RGS9: variants seen among roughly 807,000 people sequenced by gnomAD.
RGS9 encodes regulator of G protein signaling 9.
A neutral mutation model predicts 102.0 loss-of-function variants in RGS9; 78 were observed. The observed-to-expected ratio is 0.76, with a 90% CI of 0.64 to 0.92. The LOEUF is 0.92. Ranked by LOEUF, RGS9 falls within the 40% of genes least tolerant of loss-of-function variation. The pLI, the probability that RGS9 is intolerant of heterozygous loss-of-function variation, is 0.00. For missense variants in RGS9, 833 were observed against 866.1 expected (o/e 0.96, Z 0.48); for synonymous variants, 353 against 318.6 (o/e 1.11, Z -1.15).
chr17:65,191,459 C>G (rs1002069159), intron 11 of RGS9, among the ~76,000 whole-genome samples: 4 of 151,942 alleles, frequency 2.6e-5, no homozygotes, highest in Non-Finnish European at 4.4e-5. Flanking sequence ...CCTGTAATCC[C>G]AGTACTTTGG....
chr17:65,171,818 A>C (rs1199338545), intron 8 of RGS9, among the ~76,000 whole-genome samples: 1 of 152,266 alleles, frequency 6.6e-6, no homozygotes, highest in Non-Finnish European at 1.5e-5. Flanking sequence ...AGATCTGAGC[A>C]CGATGCAAAC....
rs116298675 is a variant in RGS9 at position 65,144,240 on chromosome 17, G to A, written c.57+6643G>A. 2.0e-3 allele frequency among the ~76,000 whole-genome samples: 302 copies of A among 152,266 alleles called. 1 individual carries two copies. The highest frequency in any genetic ancestry group is 6.8e-3 in the African/African-American group (284 of 41,542). ...ACTTTTCCCATCTTTGTATAGAAAA[G>A]TACCGATTATTATTGTTCCCCCGGG... On this transcript the variant is annotated intron_variant, in intron 1 of 18. Coordinates refer to ENST00000262406, the MANE Select transcript of RGS9 (RefSeq NM_003835.4).
At chr17:65,200,399 T>C (rs992506766) in intron 13 of RGS9, among the ~76,000 whole-genome samples, 1 of 152,248 alleles carries the variant, frequency 6.6e-6, no homozygotes. Flanking sequence ...GTTCATCCAT[T>C]CTTTTATCGA....
At chr17:65,148,268 A>G (rs1052617426) in intron 1 of RGS9, among the ~76,000 whole-genome samples, 3 of 152,232 alleles carry the variant, frequency 2.0e-5, no homozygotes, top group Non-Finnish European at 4.4e-5. Flanking sequence ...TCGAAAGCCA[A>G]ACAATGTTCT....
intron 17 of RGS9, among the ~76,000 whole-genome samples, chr17:65,211,360 G>T (rs1028567436): frequency 1.3e-5 from 2 of 152,186 alleles, no homozygotes; most frequent in African/African-American, 4.8e-5. Context: ...CCATCCCCTT[G>T]TCCATGCTGG....
At chr17:65,194,933 T>C (rs1281244145) in intron 12 of RGS9, among the ~76,000 whole-genome samples, 1 of 152,234 alleles carries the variant, frequency 6.6e-6, no homozygotes, top group African/African-American at 2.4e-5. Context: ...CACTGGTACC[T>C]ATTCCACGTG....
chr17:65,211,057 T>C (rs1257227332), intron 17 of RGS9, among the ~76,000 whole-genome samples: 2 of 152,112 alleles, frequency 1.3e-5, no homozygotes, highest in Non-Finnish European at 2.9e-5. Context: ...TGTCTACCAC[T>C]CTCTGCTTTG....
At chr17:65,211,600 C>G (rs1012940775) in intron 17 of RGS9, among the ~76,000 whole-genome samples, 4 of 151,994 alleles carry the variant, frequency 2.6e-5, no homozygotes, top group African/African-American at 9.7e-5. Context: ...GGGGAGAGGA[C>G]AGTTCTAACT....
chr17:65,225,938 A>C (rs1905651988), intron 18 of RGS9, among the ~76,000 whole-genome samples: 1 of 151,902 alleles, frequency 6.6e-6, no homozygotes, highest in African/African-American at 2.4e-5. Context: ...CCCCCACCCT[A>C]AGGAAACCTT....
chr17:65,164,855 C>G (rs1204075576), intron 7 of RGS9, among the ~76,000 whole-genome samples: 5 of 152,154 alleles, frequency 3.3e-5, no homozygotes, highest in African/African-American at 1.2e-4. Context: ...GGTACTGTCT[C>G]ACTTTATGTT....
chr17:65,173,503 T>C lies in RGS9; in HGVS notation c.583-4229T>C, dbSNP rs1243839702. Reference sequence around the variant, plus strand: ...CTTTCCTGACCTGAATGATGATGCATTGAGCAAATTGCCTCTTTGGCTTAC... The same window carrying C: ...CTTTCCTGACCTGAATGATGATGCACTGAGCAAATTGCCTCTTTGGCTTAC... On this transcript the variant is annotated intron_variant, in intron 8 of 18. Coordinates refer to ENST00000262406, the MANE Select transcript of RGS9 (RefSeq NM_003835.4). This position sits in a 1 kb window ranked among gnomAD's most constrained non-coding sequence, Gnocchi z 4.8. Among the ~76,000 whole-genome samples, 6 of 152,166 alleles carry C rather than the reference T, an allele frequency of 3.9e-5. No individual in the cohort carries two copies. Among genetic ancestry groups the C allele is most frequent in the Admixed American group, 3.9e-4 (6 of 15,276 alleles).
In RGS9 at chr17:65,204,269, G is replaced by A. The variant is rs546251938; in HGVS notation, c.1171G>A (p.Ala391Thr). 1.1e-5 allele frequency: 17 copies of A among 1,613,644 alleles called. No individual in the cohort carries two copies. The highest frequency in any genetic ancestry group is 3.3e-5 in the Admixed American group (2 of 60,028). The change falls in exon 15 of 19, where the codon GCA becomes ACA. Residue 391 changes from alanine to threonine, a missense_variant. Coordinates refer to ENST00000262406, the MANE Select transcript of RGS9 (RefSeq NM_003835.4). ...CCCCCACCGCTATGTGCTGGACGCC[G>A]CACAAACCCACATTTACATGCTCAT... ...KHPHRYVLDA[A>T]QTHIYMLMKK...
chr17:65,210,148 CA>C (rs1187769400), intron 16 of RGS9, among the ~76,000 whole-genome samples: 7 of 152,192 alleles, frequency 4.6e-5, no homozygotes, highest in African/African-American at 1.7e-4. Flanking sequence ...CTCCAGTACC[CA>C]AGCCTTCATT....
intron 12 of RGS9, among the ~76,000 whole-genome samples, chr17:65,194,874 TG>T (rs2144075155): frequency 6.6e-6 from 1 of 152,304 alleles, no homozygotes; most frequent in African/African-American, 2.4e-5. Flanking sequence ...CTGACCCAGC[TG>T]GGTAAGCAGG....
intron 9 of RGS9, among the ~76,000 whole-genome samples, chr17:65,180,721 G>A (rs1187052551): frequency 2.6e-5 from 4 of 152,160 alleles, no homozygotes; most frequent in African/African-American, 9.7e-5. Flanking sequence ...TGTCACCGGA[G>A]TTTGGTATAT....
chr17:65,225,572 G>C, intron 18 of RGS9, 86 bp downstream of exon 18: 6 of 1,588,410 alleles, frequency 3.8e-6, no homozygotes, highest in Non-Finnish European at 5.1e-6. Flanking sequence ...CTTTGGGCTG[G>C]GGACTGGGAT....
intron 13 of RGS9, among the ~76,000 whole-genome samples, chr17:65,201,667 T>G (rs1912851885): frequency 6.6e-6 from 1 of 152,244 alleles, no homozygotes; most frequent in African/African-American, 2.4e-5. Flanking sequence ...TGTGTATTGT[T>G]GGAGGAAAGG....
intron 13 of RGS9, among the ~76,000 whole-genome samples, chr17:65,201,564 A>G (rs1447223762): frequency 6.6e-6 from 1 of 152,228 alleles, no homozygotes; most frequent in African/African-American, 2.4e-5. Context: ...AAGCCTATTC[A>G]TGTGCGAGCT....
At chr17:65,187,977 G>A (rs1912192333) in intron 9 of RGS9, among the ~76,000 whole-genome samples, 1 of 152,168 alleles carries the variant, frequency 6.6e-6, no homozygotes, top group Non-Finnish European at 1.5e-5. Context: ...CCTGGCAACA[G>A]AGAGAGACTC....
Sources: allele counts gnomAD v4.1 joint callset (sites outside exome capture counted in the v4.1 genomes callset), GRCh38; gene constraint gnomAD v4.1.1; non-coding constraint Gnocchi (gnomAD v3.1); transcripts MANE v1.5; gene names NCBI Gene and HGNC (gene_info 2026-07-23, HGNC 2026-07-21).